Variants in UGGT2 observed in about 807,000 individuals in gnomAD.
UGGT2 encodes UDP-glucose:glycoprotein glucosyltransferase 2.
In UGGT2, 180 loss-of-function variants were observed where a neutral mutation model predicts 192.1. The observed-to-expected ratio is 0.94, with a 90% CI of 0.83 to 1.06. The LOEUF (loss-of-function observed/expected upper bound fraction) is 1.06, where lower values mean the gene tolerates loss of function less well. UGGT2 is among the 50% of genes least tolerant of loss of function. The probability of loss-of-function intolerance (pLI) is 0.00; values close to 1 mark genes in which losing one functional copy is unlikely to be tolerated. For missense variants in UGGT2, 1,849 were observed against 1,795.7 expected, an observed-to-expected ratio of 1.03 and a Z score of -0.54; for synonymous variants, 580 against 591.0, an observed-to-expected ratio of 0.98 and a Z score of 0.27.
At chr13:95,896,708 T>A (rs1219258191) in intron 22 of UGGT2, among the ~76,000 whole-genome samples, 4 of 152,120 alleles carry the variant, frequency 2.6e-5, no homozygotes, top group Non-Finnish European at 1.5e-5. Flanking sequence ...AGAAACCTAA[T>A]GTTTCTGTGT....
At chr13:95,849,237 A>T (rs886309688) in intron 36 of UGGT2, among the ~76,000 whole-genome samples, 11 of 152,190 alleles carry the variant, frequency 7.2e-5, no homozygotes, top group African/African-American at 2.4e-4. Flanking sequence ...TAATATACTT[A>T]AAAAAAATTT....
At chr13:95,920,832 C>T (rs527437485) in intron 20 of UGGT2, among the ~76,000 whole-genome samples, 78 of 152,188 alleles carry the variant, frequency 5.1e-4, no homozygotes, top group Non-Finnish European at 9.7e-4. Context: ...AATCCCATTA[C>T]TTGGCATATA....
intron 12 of UGGT2, among the ~76,000 whole-genome samples, chr13:95,956,047 T>G (rs146459287): frequency 6.6e-6 from 1 of 152,328 alleles, no homozygotes; most frequent in South Asian, 2.1e-4. Context: ...AAGCCACTGT[T>G]GTTAGTAAAA....
chr13:95,952,545 A>AT (rs1311622255), intron 12 of UGGT2, among the ~76,000 whole-genome samples: 2 of 152,096 alleles, frequency 1.3e-5, no homozygotes, highest in African/African-American at 2.4e-5. Context: ...TAAAATTTGT[A>AT]TTTTTTTATT....
chr13:95,822,618 C>T (rs543891901), intron 38 of UGGT2, among the ~76,000 whole-genome samples: 1 of 152,010 alleles, frequency 6.6e-6, no homozygotes, highest in Admixed American at 6.6e-5. Flanking sequence ...ATAGTGGTCT[C>T]GAATGATCTT....
chr13:95,930,753 C>T (rs1305780269), intron 17 of UGGT2, among the ~76,000 whole-genome samples: 2 of 152,090 alleles, frequency 1.3e-5, no homozygotes, highest in Admixed American at 6.6e-5. Context: ...TGGACCCTCG[C>T]GGTGAGTGTT....
chr13:95,812,837 C>T (rs2139748258), intron 38 of UGGT2, among the ~76,000 whole-genome samples: 1 of 152,090 alleles, frequency 6.6e-6, no homozygotes, highest in East Asian at 1.9e-4. Context: ...GTAAAAGCTC[C>T]CTGAGGCCTC....
At chr13:95,939,462 C>CT (rs2049585588) in intron 16 of UGGT2, among the ~76,000 whole-genome samples, 1 of 126,398 alleles carries the variant, frequency 7.9e-6, no homozygotes, top group Non-Finnish European at 1.7e-5. Context: ...CTGAAAATTT[C>CT]TTTGAGTTGT....
intron 12 of UGGT2, among the ~76,000 whole-genome samples, chr13:95,952,905 T>G (rs1450089075): frequency 6.6e-6 from 1 of 152,192 alleles, no homozygotes; most frequent in Non-Finnish European, 1.5e-5. Context: ...AAAACTATAA[T>G]GAAAATATGC....
intron 1 of UGGT2, among the ~76,000 whole-genome samples, chr13:96,035,182 A>T (rs2052964895): frequency 6.6e-6 from 1 of 152,244 alleles, no homozygotes; most frequent in South Asian, 2.1e-4. Flanking sequence ...AGGTTACAGT[A>T]ACCAATACAG....
intron 17 of UGGT2, among the ~76,000 whole-genome samples, chr13:95,929,633 G>C (rs907430770): frequency 3.3e-5 from 5 of 152,108 alleles, no homozygotes; most frequent in Non-Finnish European, 7.4e-5. Context: ...CATTTTTAAT[G>C]GGTGCGTAGT....
chr13:95,963,302 A>G (rs2050461602), intron 12 of UGGT2, among the ~76,000 whole-genome samples: 1 of 152,280 alleles, frequency 6.6e-6, no homozygotes, highest in South Asian at 2.1e-4. Flanking sequence ...AAAAAAAACC[A>G]TATCCTCTTA....
Position 95,890,724 on chromosome 13 carries a change from T to C in UGGT2, c.2958+138A>G, listed in dbSNP as rs919262399. ...CCCTGTGCACAGCTCCATCATTTCATTTTCTACATTGAAATATGACACTCT... is the reference window on the plus strand; with the variant it reads ...CCCTGTGCACAGCTCCATCATTTCACTTTCTACATTGAAATATGACACTCT... On this transcript the variant is annotated intron_variant, in intron 25 of 38. Coordinates refer to ENST00000376747, the MANE Select transcript of UGGT2 (RefSeq NM_020121.4). The C allele has an allele frequency of 5.6e-6, 4 of 710,066 alleles. No individual in the cohort carries two copies. In the African/African-American group the frequency reaches 7.2e-5, roughly 13 times the overall value. The allele number at this position is 710,066 out of a possible 1,614,324, so 44.0% of individuals were successfully genotyped here. A position where few individuals can be genotyped will look rare whatever the true frequency, so the allele number is the denominator to read the frequency against.
Position 95,884,490 on chromosome 13 carries a change from C to T in UGGT2, c.3228+1G>A, listed in dbSNP as rs2047587695. ...TTATATGACTATACACAATAACTTA[C>T]ATCCTTTAAGTGAATATTATCAAGG... On this transcript the variant is annotated splice_donor_variant, in intron 27 of 38. Transcript: ENST00000376747. LOFTEE classifies it high-confidence loss of function. 4 of 1,605,486 alleles carry T rather than the reference C, an allele frequency of 2.5e-6. No homozygotes were observed. The highest frequency in any genetic ancestry group is 1.7e-5 in the Admixed American group (1 of 58,732).
intron 12 of UGGT2, among the ~76,000 whole-genome samples, chr13:95,965,524 T>C (rs547251347): frequency 1.5e-5 from 2 of 137,708 alleles, no homozygotes; most frequent in Admixed American, 8.5e-5. Flanking sequence ...TTCTCACTCA[T>C]AGGTGGGAAT....
intron 7 of UGGT2, among the ~76,000 whole-genome samples, chr13:95,993,889 C>T (rs2051533568): frequency 6.6e-6 from 1 of 152,050 alleles, no homozygotes; most frequent in Non-Finnish European, 1.5e-5. Context: ...CATGAAATTA[C>T]AGCCATCCCC....
At chr13:96,032,331 AAG>A (rs1306255298) in intron 1 of UGGT2, among the ~76,000 whole-genome samples, 2 of 152,088 alleles carry the variant, frequency 1.3e-5, no homozygotes, top group African/African-American at 4.8e-5. Context: ...ACATTATATA[AAG>A]GTAAAAAGTA....
chr13:95,998,325 G>A (rs565936163), intron 6 of UGGT2, among the ~76,000 whole-genome samples: 34 of 152,266 alleles, frequency 2.2e-4, no homozygotes, highest in South Asian at 6.2e-4. Context: ...GCATTGTAGA[G>A]CTATACACAA....
At chr13:95,947,280 T>G (rs1455150303) in intron 14 of UGGT2, 108 bp from the exon 15 acceptor site, 1 of 1,160,764 alleles carries the variant, frequency 8.6e-7, no homozygotes, top group African/African-American at 1.6e-5. Context: ...GAGAATGTAT[T>G]AATAGACAGA....
Sources: allele counts gnomAD v4.1 joint callset (sites outside exome capture counted in the v4.1 genomes callset), GRCh38; gene constraint gnomAD v4.1.1; transcripts MANE v1.5; gene names NCBI Gene and HGNC (gene_info 2026-07-23, HGNC 2026-07-21).